The following WWP1 variants were observed in gnomAD, a reference collection of about 807,000 sequenced individuals.
WWP1 encodes NEDD4-like E3 ubiquitin-protein ligase WWP1.
Under a neutral mutation model 130.6 loss-of-function variants are expected in WWP1, and 49 were observed. The observed-to-expected ratio is 0.38, with a 90% CI of 0.30 to 0.48. The LOEUF (loss-of-function observed/expected upper bound fraction) is 0.48. WWP1 is among the 20% of genes least tolerant of loss of function. The probability of loss-of-function intolerance (pLI) is 0.99; values close to 1 mark genes in which losing one functional copy is unlikely to be tolerated. For missense variants in WWP1, 809 were observed against 1,100.6 expected, an observed-to-expected ratio of 0.74 and a Z score of 3.75; for synonymous variants, 332 against 367.8, an observed-to-expected ratio of 0.90 and a Z score of 1.11.
chr8:86,439,012 G>A (rs1810449699), intron 17 of WWP1, among the ~76,000 whole-genome samples: 1 of 152,102 alleles, frequency 6.6e-6, no homozygotes, highest in Admixed American at 6.5e-5. Flanking sequence ...TACAGTGAGT[G>A]AATGAATTTG....
chr8:86,427,827 A>G lies in WWP1; in HGVS notation c.1332+10A>G, dbSNP rs1355669699. ...ACGATACCTCTATTCGGTAATTAGC[A>G]AATTGTAAGATGTTAACATAACTTC... is the stretch of plus-strand genomic sequence containing the variant. On this transcript the variant is annotated intron_variant, in intron 11 of 24. Transcript: ENST00000517970. The G allele has an allele frequency of 1.9e-5, 30 of 1,594,038 alleles. No homozygotes were observed. The highest frequency in any genetic ancestry group is 2.5e-5 in the Non-Finnish European group (29 of 1,168,460).
chr8:86,369,968 T>C (rs1824192215), intron 2 of WWP1, among the ~76,000 whole-genome samples: 1 of 151,988 alleles, frequency 6.6e-6, no homozygotes, highest in African/African-American at 2.4e-5. Flanking sequence ...AAGTCAATAA[T>C]AAAAAACATT....
At chr8:86,358,311 TTTC>T (rs1474607666) in intron 1 of WWP1, among the ~76,000 whole-genome samples, 6 of 152,274 alleles carry the variant, frequency 3.9e-5, no homozygotes, top group African/African-American at 1.4e-4. Flanking sequence ...TGCATAGTAT[TTTC>T]TTAATGATAT....
chr8:86,362,239 A>G (rs1206077329), intron 1 of WWP1, among the ~76,000 whole-genome samples: 1 of 139,276 alleles, frequency 7.2e-6, no homozygotes, highest in African/African-American at 2.7e-5. Context: ...TAAAATGCCT[A>G]ATGCCTAGTT....
At position 86,372,116 on chromosome 8, in the gene WWP1, C is replaced by T. The variant is rs969980181; in HGVS notation, c.-21-1914C>T. On this transcript the variant is annotated intron_variant, in intron 2 of 24. Coordinates refer to ENST00000517970, the MANE Select transcript of WWP1 (RefSeq NM_007013.4). ...TCGACTCACTGCAAGCTCCGCCTCC[C>T]GGGTTCACGCCATTCTCCTGCCTCA... 2.7e-5 allele frequency among the ~76,000 whole-genome samples: 4 copies of T among 149,874 alleles called. No homozygotes were observed. In the East Asian group the frequency reaches 5.9e-4, roughly 22 times the overall value.
intron 18 of WWP1, among the ~76,000 whole-genome samples, chr8:86,443,969 A>G (rs371293640): frequency 3.9e-4 from 59 of 152,336 alleles, no homozygotes; most frequent in African/African-American, 1.4e-3. Flanking sequence ...GAGTAGGGCA[A>G]TGAGTGACCT....
chr8:86,459,093 G>C (rs1296345197), intron 22 of WWP1, among the ~76,000 whole-genome samples: 1 of 133,512 alleles, frequency 7.5e-6, no homozygotes, highest in Non-Finnish European at 1.5e-5. Context: ...GCAGTGACAG[G>C]ATCTCAGCTC....
chr8:86,408,767 G>A (rs1328933065), intron 8 of WWP1, among the ~76,000 whole-genome samples: 4 of 152,056 alleles, frequency 2.6e-5, no homozygotes, highest in South Asian at 2.1e-4. Flanking sequence ...AAATTTAGCC[G>A]GGTGTGGTGA....
intron 5 of WWP1, among the ~76,000 whole-genome samples, chr8:86,390,501 C>T (rs539684147): frequency 2.1e-4 from 32 of 152,224 alleles, no homozygotes; most frequent in African/African-American, 6.0e-4. Context: ...GAGACCAGCC[C>T]GTCCAACACG....
chr8:86,434,051 G>A (rs1810147809), intron 14 of WWP1, among the ~76,000 whole-genome samples: 1 of 151,978 alleles, frequency 6.6e-6, no homozygotes, highest in African/African-American at 2.4e-5. Context: ...CACCCCCATT[G>A]CCACCATTTT....
Position 86,406,214 on chromosome 8 carries a change from G to C in WWP1, c.724+4011G>C, listed in dbSNP as rs563516016. ...AACATCCTCAAAATTTATGAAAAGA[G>C]GATAATATGCGACTACCTTATAGGA... On this transcript the variant is annotated intron_variant, in intron 8 of 24. Transcript: ENST00000517970. 5.9e-5 allele frequency among the ~76,000 whole-genome samples: 9 copies of C among 152,240 alleles called. No homozygotes were observed. The East Asian group carries it at 1.7e-3, about 29-fold the overall frequency.
chr8:86,466,751 C>T (rs1164974732), intron 24 of WWP1, 43 bp from the exon 25 acceptor site: 1 of 1,323,620 alleles, frequency 7.6e-7, no homozygotes, highest in African/African-American at 1.5e-5. Context: ...AGATTTTTTT[C>T]ATTTTATTGA....
intron 23 of WWP1, 168 bp downstream of exon 23, chr8:86,461,488 C>G (rs1811764618): frequency 1.5e-6 from 1 of 659,454 alleles, no homozygotes; most frequent in East Asian, 2.7e-5. Flanking sequence ...ACTTGTAAGA[C>G]AAAAATGAAT....
chr8:86,358,695 G>C (rs769546134), intron 1 of WWP1, among the ~76,000 whole-genome samples: 14 of 151,494 alleles, frequency 9.2e-5, no homozygotes, highest in Non-Finnish European at 1.8e-4. Context: ...TTTTTGTAGA[G>C]ACAAGGTTTT....
chr8:86,406,842 G>A (rs142479237), intron 8 of WWP1, among the ~76,000 whole-genome samples: 55 of 152,290 alleles, frequency 3.6e-4, no homozygotes, highest in African/African-American at 1.1e-3. Context: ...GTATATGCAA[G>A]CAGTCATTTC....
intron 21 of WWP1, 110 bp from the exon 22 acceptor site, chr8:86,457,811 A>G (rs951729663): frequency 7.4e-5 from 67 of 906,328 alleles, no homozygotes; most frequent in Non-Finnish European, 1.1e-4. Context: ...CCATGCATAT[A>G]GCTTTTCACA....
At chr8:86,369,615 A>G (rs1304172015) in intron 2 of WWP1, among the ~76,000 whole-genome samples, 1 of 152,188 alleles carries the variant, frequency 6.6e-6, no homozygotes, top group Non-Finnish European at 1.5e-5. Context: ...TCAAATAAGT[A>G]ATCTATGCCT....
At chr8:86,452,483 T>C in intron 20 of WWP1, 76 bp from the exon 21 acceptor site, 1 of 1,262,920 alleles carries the variant, frequency 7.9e-7, no homozygotes, top group South Asian at 1.4e-5. Flanking sequence ...GAAAGAACTA[T>C]AGAAGTTCTT....
intron 7 of WWP1, among the ~76,000 whole-genome samples, chr8:86,401,352 G>A (rs560626308): frequency 2.0e-5 from 3 of 152,042 alleles, no homozygotes; most frequent in South Asian, 2.1e-4. Flanking sequence ...TTGAGGCCAG[G>A]AATTTGAGAC....
Sources: allele counts gnomAD v4.1 joint callset (sites outside exome capture counted in the v4.1 genomes callset), GRCh38; gene constraint gnomAD v4.1.1; transcripts MANE v1.5; gene names NCBI Gene and HGNC (gene_info 2026-07-23, HGNC 2026-07-21).